SUGCT: variants seen among roughly 807,000 people sequenced by gnomAD.
SUGCT encodes succinyl-CoA:glutarate-CoA transferase, also known as succinyl-CoA:glutarate CoA-transferase.
SUGCT carries 41 observed loss-of-function variants against 55.0 expected under a neutral mutation model. The observed-to-expected ratio is 0.74, with a 90% CI of 0.58 to 0.97. SUGCT has a LOEUF of 0.97. Ranked by LOEUF, SUGCT falls within the 50% of genes least tolerant of loss-of-function variation. SUGCT has a pLI of 0.00. For synonymous variants in SUGCT, 187 were observed against 200.4 expected, an observed-to-expected ratio of 0.93 and a Z score of 0.56; for missense variants, 568 against 547.8, an observed-to-expected ratio of 1.04 and a Z score of -0.37.
chr7:40,738,570 C>T (rs377738559), intron 12 of SUGCT, among the ~76,000 whole-genome samples: 17 of 152,164 alleles, frequency 1.1e-4, no homozygotes, highest in East Asian at 3.9e-4. Context: ...TAGATGCTAC[C>T]GACTTTAAAA....
At chr7:40,358,726 CAACAAT>C (rs1428526212) in intron 9 of SUGCT, among the ~76,000 whole-genome samples, 32 of 151,148 alleles carry the variant, frequency 2.1e-4, no homozygotes, top group Admixed American at 8.6e-4. Flanking sequence ...AAAACAACAA[CAACAAT>C]AACAACAACA....
intron 11 of SUGCT, among the ~76,000 whole-genome samples, chr7:40,490,197 C>A (rs1791605542): frequency 6.6e-6 from 1 of 152,190 alleles, no homozygotes; most frequent in Non-Finnish European, 1.5e-5. Flanking sequence ...CCTGGAAGAC[C>A]TGTGGTCTGT....
At chr7:40,548,186 CTTTTTTTTT>C (rs1186226631) in intron 12 of SUGCT, among the ~76,000 whole-genome samples, 1 of 104,996 alleles carries the variant, frequency 9.5e-6, no homozygotes, top group Non-Finnish European at 1.9e-5. Context: ...TTCTTTCTTT[CTTTTTTTTT>C]TTTTTTTTTT....
chr7:40,438,306 C>T (rs2151401569), intron 9 of SUGCT, among the ~76,000 whole-genome samples: 1 of 152,296 alleles, frequency 6.6e-6, no homozygotes, highest in African/African-American at 2.4e-5. Context: ...AAACTAAACA[C>T]TGAACCTCCA....
chr7:40,193,094 G>A (rs1471570275), intron 5 of SUGCT, among the ~76,000 whole-genome samples: 1 of 150,130 alleles, frequency 6.7e-6, no homozygotes, highest in African/African-American at 2.5e-5. Context: ...AACCTCCTGT[G>A]TAGCTGGGAC....
the SUGCT span, among the ~76,000 whole-genome samples, chr7:40,963,935 A>T: frequency 1.3e-5 from 2 of 152,234 alleles, no homozygotes; most frequent in Admixed American, 1.3e-4. Context: ...TAAGACCATC[A>T]TCAGAAGGGA....
chr7:40,970,739 A>G, the SUGCT span, among the ~76,000 whole-genome samples: 4 of 152,298 alleles, frequency 2.6e-5, no homozygotes, highest in East Asian at 7.7e-4. Context: ...GAGGATCTGA[A>G]TCTTGACATG....
intron 9 of SUGCT, among the ~76,000 whole-genome samples, chr7:40,431,986 T>G (rs542539513): frequency 2.0e-5 from 3 of 152,290 alleles, no homozygotes; most frequent in Admixed American, 2.0e-4. Context: ...ATATTTTTAC[T>G]TCCTCTGTTG....
intron 12 of SUGCT, among the ~76,000 whole-genome samples, chr7:40,731,747 C>A (rs563830264): frequency 9.9e-5 from 15 of 152,196 alleles, no homozygotes; most frequent in Non-Finnish European, 1.6e-4. Flanking sequence ...AGTGGCAAAG[C>A]TAGTTCCAAA....
intron 12 of SUGCT, among the ~76,000 whole-genome samples, chr7:40,534,048 T>C (rs1461714616): frequency 6.6e-6 from 1 of 152,214 alleles, no homozygotes; most frequent in African/African-American, 2.4e-5. Flanking sequence ...TGTGTGTTAA[T>C]GGCATAAGCT....
intron 9 of SUGCT, among the ~76,000 whole-genome samples, chr7:40,324,487 C>G (rs971875610): frequency 6.6e-6 from 1 of 151,876 alleles, no homozygotes; most frequent in Admixed American, 6.6e-5. Context: ...AACTCCCAAC[C>G]TCAGGTGATC....
the SUGCT span, among the ~76,000 whole-genome samples, chr7:40,891,148 T>C: frequency 1.6e-3 from 244 of 152,210 alleles, 1 homozygote; most frequent in Non-Finnish European, 3.1e-3. Context: ...AGAAAGTCTA[T>C]GGAACTTACG....
chr7:40,895,935 G>C, the SUGCT span, among the ~76,000 whole-genome samples: 1 of 152,132 alleles, frequency 6.6e-6, no homozygotes, highest in Admixed American at 6.5e-5. Flanking sequence ...CCCTAGGATT[G>C]GAATTGAGAT....
At chr7:40,674,981 G>C (rs1039979963) in intron 12 of SUGCT, among the ~76,000 whole-genome samples, 1 of 151,756 alleles carries the variant, frequency 6.6e-6, no homozygotes, top group African/African-American at 2.4e-5. Context: ...ATATAAATTA[G>C]AGTATGACTC....
At chr7:40,142,178 A>C (rs1476327658) in intron 1 of SUGCT, among the ~76,000 whole-genome samples, 1 of 152,186 alleles carries the variant, frequency 6.6e-6, no homozygotes, top group African/African-American at 2.4e-5. Context: ...TGAAGCAGGT[A>C]ATCGGAATGA....
At chr7:40,551,261 A>G (rs1260783025) in intron 12 of SUGCT, among the ~76,000 whole-genome samples, 1 of 152,124 alleles carries the variant, frequency 6.6e-6, no homozygotes, top group East Asian at 1.9e-4. Flanking sequence ...TGAAAAGTTG[A>G]TTTCTGGAAT....
At chr7:41,031,447 G>T in the SUGCT span, among the ~76,000 whole-genome samples, 1 of 152,132 alleles carries the variant, frequency 6.6e-6, no homozygotes, top group African/African-American at 2.4e-5. Flanking sequence ...GAATGGAATT[G>T]TCTCAACTGA....
intron 13 of SUGCT, among the ~76,000 whole-genome samples, chr7:40,759,497 A>G (rs1408466975): frequency 6.6e-6 from 1 of 152,202 alleles, no homozygotes; most frequent in Non-Finnish European, 1.5e-5. Context: ...AAGAAAATAG[A>G]GATTTGCTTA....
At chr7:40,899,865 G>A in the SUGCT span, among the ~76,000 whole-genome samples, 17 of 152,144 alleles carry the variant, frequency 1.1e-4, no homozygotes, top group Non-Finnish European at 2.2e-4. Context: ...CGAGCGTATG[G>A]CCATGTATGT....
Sources: allele counts gnomAD v4.1 joint callset (sites outside exome capture counted in the v4.1 genomes callset), GRCh38; gene constraint gnomAD v4.1.1; transcripts MANE v1.5; gene names NCBI Gene and HGNC (gene_info 2026-07-23, HGNC 2026-07-21).